The following SLC26A7 variants were observed in gnomAD, a reference collection of about 807,000 sequenced individuals.
The protein encoded by SLC26A7 is solute carrier family 26 member 7.
In SLC26A7, 59 loss-of-function variants were observed where a neutral mutation model predicts 82.5. The ratio of observed to expected loss-of-function variants is 0.72; its 90% CI spans 0.58 to 0.89. The LOEUF (loss-of-function observed/expected upper bound fraction) is 0.89, where lower values mean the gene tolerates loss of function less well. SLC26A7 is among the 40% of genes least tolerant of loss of function. The probability of loss-of-function intolerance (pLI) is 0.00; values close to 1 mark genes in which losing one functional copy is unlikely to be tolerated. For synonymous variants in SLC26A7, 271 were observed against 274.3 expected, an observed-to-expected ratio of 0.99 and a Z score of 0.12; for missense variants, 820 against 793.0, an observed-to-expected ratio of 1.03 and a Z score of -0.41.
chr8:91,316,239 C>A (rs920350264), intron 4 of SLC26A7, among the ~76,000 whole-genome samples: 11 of 152,036 alleles, frequency 7.2e-5, no homozygotes, highest in African/African-American at 2.7e-4. Context: ...ATCCTTCCCT[C>A]CGATTTCTTT....
Position 91,219,068 on chromosome 8 carries a change from C to T in SLC26A7, c.-34+63C>T, listed in dbSNP as rs958740213. On this transcript the variant is annotated intron_variant, in intron 2 of 5. Transcript: ENST00000522862. The stretch of plus-strand genomic sequence containing the variant: ...GTCAGCTCTGCATACACAGATTATG[C>T]CCTACTTAAGATACCATGCCTGTTC... 4.2e-5 allele frequency: 32 copies of T among 765,486 alleles called. No individual in the cohort carries two copies. The African/African-American group carries it at 5.5e-4, about 13-fold the overall frequency. The allele number at this position is 765,486 out of a possible 1,614,324, so 47.4% of individuals were successfully genotyped here. A position where few individuals can be genotyped will look rare whatever the true frequency, so the allele number is the denominator to read the frequency against.
chr8:91,372,829 TA>T (rs1260934806), intron 15 of SLC26A7, among the ~76,000 whole-genome samples: 2 of 152,026 alleles, frequency 1.3e-5, no homozygotes, highest in Non-Finnish European at 2.9e-5. Flanking sequence ...GTAGTAATTT[TA>T]ATGACATGGA....
At chr8:91,236,962 A>C (rs1810401650) in intron 2 of SLC26A7, among the ~76,000 whole-genome samples, 1 of 152,198 alleles carries the variant, frequency 6.6e-6, no homozygotes, top group South Asian at 2.1e-4. Flanking sequence ...TAGGTAAATT[A>C]TTTCATTTAA....
chr8:91,348,514 G>A, intron 9 of SLC26A7: 1 of 311,800 alleles, frequency 3.2e-6, no homozygotes, highest in Non-Finnish European at 4.7e-6. Context: ...TATCTTTTAT[G>A]CAGAATTAAC....
intron 2 of SLC26A7, among the ~76,000 whole-genome samples, chr8:91,230,645 C>T (rs1463526363): frequency 6.6e-6 from 1 of 152,184 alleles, no homozygotes; most frequent in Non-Finnish European, 1.5e-5. Flanking sequence ...CAGGGGGTTA[C>T]TATAAAGATT....
intron 2 of SLC26A7, among the ~76,000 whole-genome samples, chr8:91,226,691 T>C (rs1018483719): frequency 2.6e-5 from 4 of 152,136 alleles, no homozygotes; most frequent in African/African-American, 9.6e-5. Flanking sequence ...CAATAAACAA[T>C]GGGCTAACAA....
rs1810610274 is a variant in SLC26A7 at position 91,249,804 on chromosome 8, T to A, written c.153T>A (p.Thr51=). 1 of 1,609,564 alleles carries A rather than the reference T, an allele frequency of 6.2e-7. No homozygotes were observed. Among genetic ancestry groups the A allele is most frequent in the Non-Finnish European group, 8.5e-7 (1 of 1,178,452 alleles). ...YNLKENLLPD[T]VSGIMLAVQQ... ...TGAAAGAAAACTTGCTTCCAGACAC[T>A]GTGTCTGGGATAATGTTGGCAGTTC... The change falls in exon 2 of 19, where the codon ACT becomes ACA. Residue 51 remains threonine (T), a synonymous_variant. Transcript: ENST00000276609.
chr8:91,284,266 A>C (rs145966994), intron 2 of SLC26A7, among the ~76,000 whole-genome samples: 1 of 152,278 alleles, frequency 6.6e-6, no homozygotes, highest in East Asian at 1.9e-4. Flanking sequence ...TTATTCCCCA[A>C]AAATGTGGTG....
In SLC26A7 at chr8:91,249,605, T is replaced by C; in HGVS notation, c.-47T>C. 2.8e-6 allele frequency: 4 copies of C among 1,442,810 alleles called. No homozygotes were observed. Among genetic ancestry groups the C allele is most frequent in the Non-Finnish European group, 3.7e-6 (4 of 1,091,704 alleles). The allele number at this position is 1,442,810 out of a possible 1,614,324, so 89.4% of individuals were successfully genotyped here. On this transcript the variant is annotated 5_prime_UTR_variant, in exon 2 of 19. Transcript: ENST00000276609. ...GAAAGGAGGTGTTCTGCAATGATTT[T>C]TTTTCTTGTTTAGAGAAGTTTACTT...
At chr8:91,211,626 T>A (rs893575663) in intron 1 of SLC26A7, among the ~76,000 whole-genome samples, 11 of 147,852 alleles carry the variant, frequency 7.4e-5, no homozygotes, top group Admixed American at 2.0e-4. Flanking sequence ...ATTTTTTTTT[T>A]ATTTTTTTTG....
At chr8:91,341,691 G>C (rs1813419878) in intron 8 of SLC26A7, among the ~76,000 whole-genome samples, 1 of 152,074 alleles carries the variant, frequency 6.6e-6, no homozygotes, top group African/African-American at 2.4e-5. Flanking sequence ...AGTTGCTTCT[G>C]GTCACACTCA....
At chr8:91,246,955 T>C (rs1810552941), upstream of SLC26A7, among the ~76,000 whole-genome samples, 1 of 152,338 alleles carries the variant, frequency 6.6e-6, no homozygotes, top group East Asian at 1.9e-4. Context: ...AGAGGTAGTA[T>C]CTACTCCTTT....
At chr8:91,357,979 C>T (rs537395260) in intron 11 of SLC26A7, among the ~76,000 whole-genome samples, 12 of 152,316 alleles carry the variant, frequency 7.9e-5, no homozygotes, top group African/African-American at 2.9e-4. Context: ...CAAAAGAAGA[C>T]ATTTATGCAG....
chr8:91,293,787 G>A (rs1811941438), intron 3 of SLC26A7, among the ~76,000 whole-genome samples: 1 of 152,088 alleles, frequency 6.6e-6, no homozygotes, highest in African/African-American at 2.4e-5. Context: ...AAAACATTTT[G>A]CTCTGTGCTC....
At chr8:91,218,946 T>A in exon 2 of SLC26A7, 1 of 1,551,134 alleles carries the variant, frequency 6.4e-7, no homozygotes, top group Non-Finnish European at 8.7e-7. Flanking sequence ...TAATTTGTTC[T>A]TACAAATGTT....
At chr8:91,265,859 C>G (rs1811097894) in intron 2 of SLC26A7, among the ~76,000 whole-genome samples, 1 of 151,786 alleles carries the variant, frequency 6.6e-6, no homozygotes, top group Non-Finnish European at 1.5e-5. Flanking sequence ...TAGATGCATA[C>G]TTTGCAAATT....
In SLC26A7 at chr8:91,382,914, C is replaced by A. The variant is rs141443253; in HGVS notation, c.1676-6424C>A. On this transcript the variant is annotated intron_variant, in intron 15 of 18. Coordinates refer to ENST00000276609, the MANE Select transcript of SLC26A7 (RefSeq NM_052832.4). ...AATTACAAGAACACTCTTCATTTTA[C>A]TGATGAAGTTGAGGCCCGTATGGGA... 5.3e-3 allele frequency among the ~76,000 whole-genome samples: 812 copies of A among 152,262 alleles called. 10 individuals carry two copies. Among genetic ancestry groups the A allele is most frequent in the Middle Eastern group, 0.031 (9 of 294 alleles).
chr8:91,354,241 T>C (rs1813801011), intron 11 of SLC26A7, among the ~76,000 whole-genome samples: 1 of 152,152 alleles, frequency 6.6e-6, no homozygotes, highest in African/African-American at 2.4e-5. Flanking sequence ...AGGCAGCATG[T>C]TACCATATTG....
At chr8:91,360,004 T>C (rs1814005768) in intron 11 of SLC26A7, among the ~76,000 whole-genome samples, 1 of 152,080 alleles carries the variant, frequency 6.6e-6, no homozygotes, top group African/African-American at 2.4e-5. Context: ...CTATTAACAG[T>C]TTAATATTGA....
Sources: gnomAD v4.1 joint callset for allele counts (sites outside exome capture counted in the v4.1 genomes callset) on GRCh38, gnomAD v4.1.1 for gene constraint, MANE v1.5 for transcripts, NCBI Gene and HGNC (gene_info 2026-07-23, HGNC 2026-07-21) for gene names.